The following CDC42BPG variants were observed in gnomAD, a reference collection of about 807,000 sequenced individuals.
CDC42BPG encodes CDC42 binding protein kinase gamma, also known as serine/threonine-protein kinase MRCK gamma.
In CDC42BPG, 157 loss-of-function variants were observed where a neutral mutation model predicts 192.2. The observed-to-expected ratio is 0.82, with a 90% confidence interval of 0.72 to 0.93. The LOEUF is 0.93. CDC42BPG is among the 40% of genes least tolerant of loss of function. CDC42BPG has a pLI of 0.00. For missense variants in CDC42BPG, 1,992 were observed against 2,122.1 expected (o/e 0.94, Z 1.20); for synonymous variants, 981 against 918.5 (o/e 1.07, Z -1.23).
Position 64,836,281 on chromosome 11 carries a change from G to T in CDC42BPG, c.1504C>A (p.Arg502=). The T allele has an allele frequency of 6.2e-7, 1 of 1,604,840 alleles. No homozygotes were observed. Residue 502 remains arginine, a synonymous_variant, in exon 13 of 37, where the codon CGG becomes AGG. Coordinates refer to ENST00000342711, the MANE Select transcript of CDC42BPG (RefSeq NM_017525.3). ...TGCTCCTGAGCCTGCAGCCCTGCCC[G>T]ACCCTCGGCCAGCTCCTGAGGAGGC... The part of the protein sequence containing the change: ...DRLHRELAEG[R]AGLQAQEQEL...
chr11:64,831,583 G>C lies in CDC42BPG; in HGVS notation c.3226C>G (p.Arg1076Gly). The change falls in exon 28 of 37, where the codon CGG (arginine) becomes GGG (glycine). Residue 1076 changes from arginine to glycine, a missense_variant. Physicochemically the swap from Arg to Gly is moderately radical, Grantham distance 125. Around this residue, in one of 2 missense-constraint regions of CDC42BPG, gnomAD observed 1,656 missense variants for 1,844.3 expected, o/e 0.90. Transcript: ENST00000342711. ...RLLLDARPRPRPVYTLKEAYD... is the reference protein window; with the variant it reads ...RLLLDARPRPGPVYTLKEAYD... The stretch of plus-strand genomic sequence containing the variant: ...GCCTCCTTGAGTGTGTACACGGGCC[G>C]GGGTCTTGGCCGCGCGTCCAGCAGC... 1 of 1,612,452 alleles carries C rather than the reference G, an allele frequency of 6.2e-7. No individual in the cohort carries two copies. Among genetic ancestry groups the C allele is most frequent in the Non-Finnish European group, 8.5e-7 (1 of 1,179,942 alleles).
At position 64,834,446 on chromosome 11, in the gene CDC42BPG, G is replaced by C. The variant is rs1347230832; in HGVS notation, c.2307C>G (p.Ala769=). 13 of 1,567,820 alleles carry C rather than the reference G, an allele frequency of 8.3e-6. No homozygotes were observed. Among genetic ancestry groups the C allele is most frequent in the Non-Finnish European group, 1.1e-5 (13 of 1,157,628 alleles). The change falls in exon 19 of 37, where the codon GCC becomes GCG. Residue 769 remains alanine, a synonymous_variant. Transcript: ENST00000342711. Reference sequence around the variant, plus strand: ...AGCCTCACCGCTCAGCCTGCAGCTGGGCCTCCTGCACCTGTGTCAGCCGCT... The same window carrying C: ...AGCCTCACCGCTCAGCCTGCAGCTGCGCCTCCTGCACCTGTGTCAGCCGCT... ...LQERLTQVQE[A]QLQAERRLQE... is the part of the protein sequence containing the mutation.
chr11:64,831,642 C>T lies in CDC42BPG; in HGVS notation c.3167G>A (p.Arg1056His), dbSNP rs578176185. ...CAGCTCACCCAGCACCTGCAGCCAG[C>T]GTTCCCGCTCCCCCTCGCTCTCTGC... ...LLAESEGERE[R>H]WLQVLGELQR... Residue 1056 changes from arginine to histidine, a missense_variant, in exon 28 of 37, where the codon CGC (arginine) becomes CAC (histidine). Transcript: ENST00000342711. 14 of 1,611,056 alleles carry T rather than the reference C, an allele frequency of 8.7e-6. No homozygotes were observed. Among genetic ancestry groups the T allele is most frequent in the Middle Eastern group, 3.3e-4 (2 of 6,062 alleles).
intron 16 of CDC42BPG, 83 bp downstream of exon 16, chr11:64,835,264 T>G: frequency 6.2e-7 from 1 of 1,609,350 alleles, no homozygotes. Context: ...CCCTGCTCAC[T>G]GGCTGCAGCT....
rs1565701354 is a variant in CDC42BPG, at chr11:64,841,674, CT to C, written c.311del (p.Lys104SerfsTer5). The C allele has an allele frequency of 6.2e-7, 1 of 1,613,634 alleles. No homozygotes were observed. Among genetic ancestry groups the C allele is most frequent in the Non-Finnish European group, 8.5e-7 (1 of 1,179,964 alleles). On this transcript the variant is annotated frameshift_variant, in exon 3 of 37. Coordinates refer to ENST00000342711, the MANE Select transcript of CDC42BPG (RefSeq NM_017525.3). LOFTEE classifies it high-confidence loss of function. ...GQIFAMKMLH[K>X]WEMLKRAETA... ...CCTCAGCCCTCTTCAGCATCTCCCA[CT>C]TGTGCAGCATTTTCATGGCAAAAAT...
chr11:64,839,114 G>A lies in CDC42BPG; in HGVS notation c.795C>T (p.Cys265=), dbSNP rs1288849694. Residue 265 remains cysteine (C), a synonymous_variant, in exon 7 of 37, where the codon TGC becomes TGT. Transcript: ENST00000342711. Reference sequence around the variant, plus strand: ...TCTCCCCAAAGAGCAGCTCATAGGCGCAGACTCCAAGCGACCACCAGTCAC... The same window carrying A: ...TCTCCCCAAAGAGCAGCTCATAGGCACAGACTCCAAGCGACCACCAGTCAC... ...PQCDWWSLGV[C]AYELLFGETP... is the part of the protein sequence containing the mutation. The A allele has an allele frequency of 2.5e-6, 4 of 1,613,510 alleles. No homozygotes were observed. Among genetic ancestry groups the A allele is most frequent in the African/African-American group, 1.3e-5 (1 of 75,024 alleles).
In CDC42BPG at chr11:64,826,016, G is replaced by A. The variant is rs186298464; in HGVS notation, c.4599+454C>T. Among the ~76,000 whole-genome samples, 720 of 148,342 alleles carry A rather than the reference G, an allele frequency of 4.9e-3. 8 individuals carry two copies. The highest frequency in any genetic ancestry group is 5.3e-3 in the Non-Finnish European group (360 of 67,584). On this transcript the variant is annotated intron_variant, in intron 36 of 36. Coordinates refer to ENST00000342711, the MANE Select transcript of CDC42BPG (RefSeq NM_017525.3). ...GTGGGAGGTGGGGGTTGCACTGACCGAGATTGTGCCACTGCACTCCAGTCT... is the reference window on the plus strand; with the variant it reads ...GTGGGAGGTGGGGGTTGCACTGACCAAGATTGTGCCACTGCACTCCAGTCT...
rs780874244 is a variant in CDC42BPG at position 64,834,493 on chromosome 11, G to A, written c.2260C>T (p.Arg754Cys). Residue 754 changes from arginine (R) to cysteine (C), a missense_variant, in exon 19 of 37, where the codon CGC becomes TGC. Physicochemically the swap from Arg to Cys is radical, Grantham distance 180 (BLOSUM62 -3). Coordinates refer to ENST00000342711, the MANE Select transcript of CDC42BPG (RefSeq NM_017525.3). ...CGCTCCTGCAGGCCCTGCTTGGCGC[G>A]GATCTCGGCCTCCAGCGCTGACTGC... ...ELQSALEAEI[R>C]AKQGLQERLT... is the part of the protein sequence containing the mutation. 38 of 1,574,784 alleles carry A rather than the reference G, an allele frequency of 2.4e-5. No homozygotes were observed. Among genetic ancestry groups the A allele is most frequent in the Non-Finnish European group, 3.1e-5 (36 of 1,160,406 alleles).
At chr11:64,840,433 G>A (rs1943229178) in intron 4 of CDC42BPG, 120 bp downstream of exon 4, 2 of 1,375,998 alleles carry the variant, frequency 1.5e-6, no homozygotes, top group Non-Finnish European at 2.0e-6. Context: ...AGGAACTGGT[G>A]GGAAGTGGGA....
chr11:64,834,869 T>C lies in CDC42BPG; in HGVS notation c.2155A>G (p.Thr719Ala). 6.2e-7 allele frequency: 1 copy of C among 1,613,598 alleles called. No individual in the cohort carries two copies. The highest frequency in any genetic ancestry group is 8.5e-7 in the Non-Finnish European group (1 of 1,179,976). Residue 719 changes from threonine (T) to alanine (A), a missense_variant, in exon 18 of 37, where the codon ACG (threonine) becomes GCG (alanine). Transcript: ENST00000342711. ...LESLRNVGTQ[T>A]LPARPLDHQW... Reference sequence around the variant, plus strand: ...CTCACCAGTGGCCGGGCAGGGAGCGTCTGGGTGCCTACGTTCCTCAAGGAC... The same window carrying C: ...CTCACCAGTGGCCGGGCAGGGAGCGCCTGGGTGCCTACGTTCCTCAAGGAC...
chr11:64,833,271 C>G lies in CDC42BPG; in HGVS notation c.2691G>C (p.Ser897=). ...CCTGGCGGCCCAGGCCCAGCATCAG[C>G]GAGGTGCAGCGGAGACACTTGGTCG... ...PSPTKCLRCT[S]LMLGLGRQGL... The change falls in exon 24 of 37, where the codon TCG becomes TCC. Residue 897 remains serine (S), a synonymous_variant. Coordinates refer to ENST00000342711, the MANE Select transcript of CDC42BPG (RefSeq NM_017525.3). 1.3e-6 allele frequency: 2 copies of G among 1,548,264 alleles called. No individual in the cohort carries two copies. Among genetic ancestry groups the G allele is most frequent in the Non-Finnish European group, 1.7e-6 (2 of 1,146,492 alleles).
Position 64,824,075 on chromosome 11 carries a change from G to C in CDC42BPG, c.*398C>G, listed in dbSNP as rs1411094164. 4.0e-6 allele frequency: 1 copy of C among 250,616 alleles called. No individual in the cohort carries two copies. Among genetic ancestry groups the C allele is most frequent in the African/African-American group, 2.3e-5 (1 of 42,832 alleles). The allele number at this position is 250,616 out of a possible 1,614,324, so 15.5% of individuals were successfully genotyped here. A position where few individuals can be genotyped will look rare whatever the true frequency, so the allele number is the denominator to read the frequency against. On this transcript the variant is annotated 3_prime_UTR_variant, in exon 37 of 37. Transcript: ENST00000342711. ...CATGCCCCATCTTGGCCTCAGCTGG[G>C]AGTCAGACAGTCCACAGATAAGACC... is the stretch of plus-strand genomic sequence containing the variant.
At position 64,832,601 on chromosome 11, in the gene CDC42BPG, T is replaced by C. The variant is rs752681829; in HGVS notation, c.3005+3A>G. On this transcript the variant is annotated splice_donor_region_variant and intron_variant, in intron 26 of 36. Coordinates refer to ENST00000342711, the MANE Select transcript of CDC42BPG (RefSeq NM_017525.3). Reference sequence around the variant, plus strand: ...TTGCCCCATGCCACTGCCCGGCACCTACCTCAGATCTAGGACCTGCAGGAG... The same window carrying C: ...TTGCCCCATGCCACTGCCCGGCACCCACCTCAGATCTAGGACCTGCAGGAG... 1 of 1,613,944 alleles carries C rather than the reference T, an allele frequency of 6.2e-7. No homozygotes were observed. The highest frequency in any genetic ancestry group is 1.1e-5 in the South Asian group (1 of 91,074).
intron 3 of CDC42BPG, 122 bp from the exon 4 acceptor site, chr11:64,840,770 C>A: frequency 2.6e-6 from 2 of 781,092 alleles, no homozygotes; most frequent in Non-Finnish European, 2.1e-6. Context: ...GGTCATAGCT[C>A]TACTGTCCCC....
At position 64,823,763 on chromosome 11, in the gene CDC42BPG, C is replaced by T. The variant is rs926058205; in HGVS notation, c.*710G>A. On this transcript the variant is annotated 3_prime_UTR_variant, in exon 37 of 37. Transcript: ENST00000342711. ...ATTGGCTGACAGTGTCAGCCCCGCC[C>T]ACTGCACCCCTCCCCAGAGAAAGGA... 6.5e-6 allele frequency: 1 copy of T among 153,128 alleles called. No homozygotes were observed. The highest frequency in any genetic ancestry group is 1.5e-5 in the Non-Finnish European group (1 of 68,728). The allele number at this position is 153,128 out of a possible 1,614,324, so 9.5% of individuals were successfully genotyped here.
rs1212021571 is a variant in CDC42BPG at position 64,824,469 on chromosome 11, G to A, written c.*4C>T. On this transcript the variant is annotated 3_prime_UTR_variant, in exon 37 of 37. Transcript: ENST00000342711. ...GGGATTGGGGTGGGCCCTAACAGAG[G>A]GCATCAAGGAGAGCTCTCCAATTCA... 2 of 1,582,898 alleles carry A rather than the reference G, an allele frequency of 1.3e-6. No individual in the cohort carries two copies. The highest frequency in any genetic ancestry group is 1.7e-5 in the Admixed American group (1 of 59,988).
chr11:64,841,932 G>A, intron 1 of CDC42BPG, 28 bp from the exon 2 acceptor site: 1 of 1,530,838 alleles, frequency 6.5e-7, no homozygotes, highest in Non-Finnish European at 8.9e-7. Flanking sequence ...GGGACTCAGA[G>A]TGCAGGGAGG....
At chr11:64,840,717 A>G in intron 3 of CDC42BPG, 69 bp from the exon 4 acceptor site, 1 of 1,352,284 alleles carries the variant, frequency 7.4e-7, no homozygotes, top group Non-Finnish European at 1.1e-6. Context: ...TTGCCAGCTC[A>G]GGGGATGGAG....
At chr11:64,841,041 C>T (rs1355029509) in intron 3 of CDC42BPG, among the ~76,000 whole-genome samples, 1 of 151,992 alleles carries the variant, frequency 6.6e-6, no homozygotes, top group Non-Finnish European at 1.5e-5. Context: ...ATCCCAGCTA[C>T]TTGGGAGGCT....
Sources: allele counts gnomAD v4.1 joint callset (sites outside exome capture counted in the v4.1 genomes callset), GRCh38; gene constraint gnomAD v4.1.1; regional missense constraint gnomAD v4.1.1; transcripts MANE v1.5; gene names NCBI Gene and HGNC (gene_info 2026-07-23, HGNC 2026-07-21).